Variants in MTMR3 observed in about 807,000 individuals in gnomAD.
MTMR3 encodes the protein myotubularin related protein 3.
MTMR3 carries 32 observed loss-of-function variants against 132.4 expected under a neutral mutation model. The ratio of observed to expected loss-of-function variants is 0.24; its 90% confidence interval spans 0.18 to 0.32. MTMR3 has a LOEUF of 0.32. MTMR3 is among the 10% of genes least tolerant of loss of function. MTMR3 has a pLI of 1.00. For synonymous variants in MTMR3, 556 were observed against 550.3 expected, an observed-to-expected ratio of 1.01 and a Z score of -0.14; for missense variants, 1,216 against 1,489.6, an observed-to-expected ratio of 0.82 and a Z score of 3.02.
chr22:29,931,640 C>G (rs969359700), intron 1 of MTMR3, among the ~76,000 whole-genome samples: 3 of 152,198 alleles, frequency 2.0e-5, no homozygotes, highest in Non-Finnish European at 4.4e-5. Context: ...TTCTTGAACT[C>G]CTGACCTCGT....
At chr22:29,917,187 A>G (rs940224390) in intron 1 of MTMR3, among the ~76,000 whole-genome samples, 19 of 152,330 alleles carry the variant, frequency 1.2e-4, no homozygotes, top group African/African-American at 4.3e-4. Flanking sequence ...TTAAATTTTC[A>G]TATCTATTGT....
At chr22:29,970,017 C>T (rs780672720) in intron 2 of MTMR3, among the ~76,000 whole-genome samples, 2 of 152,172 alleles carry the variant, frequency 1.3e-5, no homozygotes, top group Non-Finnish European at 2.9e-5. Context: ...GCTTAGCAAA[C>T]TAGAAATGTT....
chr22:29,964,607 T>TA (rs2066377697), intron 2 of MTMR3, among the ~76,000 whole-genome samples: 1 of 152,188 alleles, frequency 6.6e-6, no homozygotes, highest in South Asian at 2.1e-4. Flanking sequence ...TCTAGGCCTC[T>TA]ACCTAAACCT....
chr22:29,942,847 C>A (rs2065883310), intron 1 of MTMR3, among the ~76,000 whole-genome samples: 1 of 152,204 alleles, frequency 6.6e-6, no homozygotes, highest in Admixed American at 6.5e-5. Context: ...TGTTCAAACA[C>A]ACATGCTCTA....
At chr22:29,971,150 C>T in intron 3 of MTMR3, 88 bp downstream of exon 3, 6 of 1,378,384 alleles carry the variant, frequency 4.4e-6, no homozygotes, top group Non-Finnish European at 4.0e-6. Flanking sequence ...CATACTTACC[C>T]ATTTTTGTTT....
intron 1 of MTMR3, among the ~76,000 whole-genome samples, chr22:29,903,029 C>T (rs924169048): frequency 6.6e-6 from 1 of 152,058 alleles, no homozygotes. Context: ...TCGAGGCCAC[C>T]GCCTAGGCAA....
intron 3 of MTMR3, among the ~76,000 whole-genome samples, chr22:29,975,365 T>G (rs2066610048): frequency 6.6e-6 from 1 of 152,154 alleles, no homozygotes; most frequent in Non-Finnish European, 1.5e-5. Flanking sequence ...CCAAAGATAG[T>G]TTTAGTGTTA....
chr22:29,906,079 C>T (rs2065088256), intron 1 of MTMR3, among the ~76,000 whole-genome samples: 2 of 152,046 alleles, frequency 1.3e-5, no homozygotes, highest in Admixed American at 6.6e-5. Flanking sequence ...TGGCCTTTAA[C>T]TCCTTGGATC....
intron 1 of MTMR3, among the ~76,000 whole-genome samples, chr22:29,945,718 G>GAAAAAAAAA (rs67054738): frequency 1.6e-5 from 2 of 124,388 alleles, no homozygotes; most frequent in African/African-American, 2.8e-5. Flanking sequence ...AAATGAAAAA[G>GAAAAAAAAA]AAAAAAAAAA....
intron 16 of MTMR3, 194 bp from the exon 17 acceptor site, chr22:30,019,286 A>T: frequency 5.1e-6 from 3 of 588,890 alleles, no homozygotes; most frequent in Admixed American, 3.0e-5. Flanking sequence ...TTGAAAGGAA[A>T]TCTGCACACT....
intron 1 of MTMR3, among the ~76,000 whole-genome samples, chr22:29,910,462 A>G (rs891276074): frequency 2.6e-5 from 4 of 152,220 alleles, no homozygotes; most frequent in African/African-American, 9.6e-5. Flanking sequence ...AGATGTGTTA[A>G]GAAATTTCAT....
At chr22:29,904,675 A>G (rs1344414525) in intron 1 of MTMR3, among the ~76,000 whole-genome samples, 1 of 152,274 alleles carries the variant, frequency 6.6e-6, no homozygotes, top group East Asian at 1.9e-4. Flanking sequence ...ACAGTTACAC[A>G]TCCTCTTTCC....
intron 1 of MTMR3, among the ~76,000 whole-genome samples, chr22:29,903,834 A>G (rs908483517): frequency 6.6e-6 from 1 of 152,186 alleles, no homozygotes; most frequent in African/African-American, 2.4e-5. Context: ...GAATATTTAG[A>G]AAACTGAATA....
Position 29,998,772 on chromosome 22 carries a change from A to T in MTMR3, c.472A>T (p.Thr158Ser), listed in dbSNP as rs2067112368. Residue 158 changes from threonine to serine, a missense_variant, in exon 8 of 20, where the codon ACT becomes TCT. By Grantham distance (58) the Thr-to-Ser change is moderately conservative. Coordinates refer to ENST00000401950, the MANE Select transcript of MTMR3 (RefSeq NM_021090.4). ...GDLCRPGEHV[T>S]SRFKNEVERM... Reference sequence around the variant, plus strand: ...TCTTTGGCCTCTAGGGGAGCATGTAACTTCAAGGTTTAAAAACGAGGTGGA... The same window carrying T: ...TCTTTGGCCTCTAGGGGAGCATGTATCTTCAAGGTTTAAAAACGAGGTGGA... The T allele has an allele frequency of 1.9e-6, 3 of 1,612,464 alleles. No individual in the cohort carries two copies. The highest frequency in any genetic ancestry group is 2.5e-6 in the Non-Finnish European group (3 of 1,179,218).
intron 1 of MTMR3, among the ~76,000 whole-genome samples, chr22:29,950,642 A>T (rs1307027412): frequency 6.6e-6 from 1 of 152,202 alleles, no homozygotes; most frequent in Admixed American, 6.5e-5. Context: ...GATTATAGGC[A>T]TGGGCCACCA....
At position 30,022,714 on chromosome 22, in the gene MTMR3, G is replaced by A. The variant is rs746754196; in HGVS notation, c.3425+17G>A. The A allele has an allele frequency of 1.3e-6, 2 of 1,597,748 alleles. No homozygotes were observed. Among genetic ancestry groups the A allele is most frequent in the Non-Finnish European group, 1.7e-6 (2 of 1,175,104 alleles). Reference sequence around the variant, plus strand: ...CCACTGCAGGTACCATTGAGGGGCTGTGGTAGGGTGGGCTGTGTGTGGAGG... The same window carrying A: ...CCACTGCAGGTACCATTGAGGGGCTATGGTAGGGTGGGCTGTGTGTGGAGG... On this transcript the variant is annotated intron_variant, in intron 19 of 19. Transcript: ENST00000401950.
chr22:29,971,159 T>C (rs773296575), intron 3 of MTMR3, 97 bp downstream of exon 3: 19 of 1,301,520 alleles, frequency 1.5e-5, no homozygotes, highest in Non-Finnish European at 1.6e-5. Context: ...CCATTTTTGT[T>C]TTTGTAAGAA....
At chr22:29,900,051 A>G (rs2064975431) in intron 1 of MTMR3, among the ~76,000 whole-genome samples, 1 of 152,210 alleles carries the variant, frequency 6.6e-6, no homozygotes, top group South Asian at 2.1e-4. Flanking sequence ...TAACCTTTTT[A>G]TTATGATATA....
chr22:30,023,935 T>G, intron 19 of MTMR3: 1 of 158,202 alleles, frequency 6.3e-6, no homozygotes, highest in South Asian at 1.9e-4. Context: ...AGAATTGTTT[T>G]AGCTTGGAAG....
Sources: gnomAD v4.1 joint callset for allele counts (sites outside exome capture counted in the v4.1 genomes callset) on GRCh38, gnomAD v4.1.1 for gene constraint, MANE v1.5 for transcripts, NCBI Gene and HGNC (gene_info 2026-07-23, HGNC 2026-07-21) for gene names.